Variants in CYP19A1 observed in about 807,000 individuals in gnomAD.
The protein encoded by CYP19A1 is cytochrome P450 family 19 subfamily A member 1.
Under a neutral mutation model 44.4 loss-of-function variants are expected in CYP19A1, and 32 were observed. That is an observed-to-expected ratio of 0.72 (90% confidence interval 0.54 to 0.97). The LOEUF (loss-of-function observed/expected upper bound fraction) is 0.97, where lower values mean the gene tolerates loss of function less well. Ranked by LOEUF, CYP19A1 falls within the 50% of genes least tolerant of loss-of-function variation. The pLI is 0.00. For missense variants in CYP19A1, 598 were observed against 637.8 expected (o/e 0.94, Z 0.67); for synonymous variants, 212 against 215.6 (o/e 0.98, Z 0.14).
intron 1 of CYP19A1, among the ~76,000 whole-genome samples, chr15:51,323,182 T>C (rs1370446014): frequency 6.6e-6 from 1 of 152,168 alleles, no homozygotes; most frequent in African/African-American, 2.4e-5. Flanking sequence ...ATCACCACCC[T>C]GAGAGTCCAG....
rs530179631 is a variant in CYP19A1 at position 51,244,760 on chromosome 15, C to T, written c.-38-1810G>A. Among the ~76,000 whole-genome samples the T allele has an allele frequency of 1.9e-3, 284 of 152,260 alleles. 2 individuals carry two copies. Among genetic ancestry groups the T allele is most frequent in the Non-Finnish European group, 2.7e-3 (183 of 68,022 alleles). On this transcript the variant is annotated intron_variant, in intron 1 of 9. Transcript: ENST00000396402. Reference sequence around the variant, plus strand: ...GAAGTGATCCCAGCAAAAAACTTCACATTATAGGAACTTCCAGAGGTATTT... The same window carrying T: ...GAAGTGATCCCAGCAAAAAACTTCATATTATAGGAACTTCCAGAGGTATTT...
intron 9 of CYP19A1, 156 bp downstream of exon 9, chr15:51,212,164 G>T: frequency 1.4e-6 from 1 of 718,296 alleles, no homozygotes; most frequent in Non-Finnish European, 2.5e-6. Flanking sequence ...CGGGAGCCCT[G>T]CTCCAAGCTA....
At chr15:51,263,674 C>T (rs973147124) in intron 1 of CYP19A1, among the ~76,000 whole-genome samples, 2 of 152,152 alleles carry the variant, frequency 1.3e-5, no homozygotes, top group African/African-American at 4.8e-5. Context: ...AGGGACTGTA[C>T]TTTGCTGGAG....
At chr15:51,327,191 T>TC (rs2036621129) in intron 1 of CYP19A1, among the ~76,000 whole-genome samples, 1 of 152,212 alleles carries the variant, frequency 6.6e-6, no homozygotes, top group African/African-American at 2.4e-5. Flanking sequence ...GGCCAATGGG[T>TC]GATCCATGGT....
At chr15:51,234,701 C>T (rs1203685259) in intron 3 of CYP19A1, among the ~76,000 whole-genome samples, 3 of 152,076 alleles carry the variant, frequency 2.0e-5, no homozygotes, top group Non-Finnish European at 2.9e-5. Flanking sequence ...GGCCCTCCTG[C>T]CCCATGAGCT....
chr15:51,313,797 A>G (rs1371096878), intron 1 of CYP19A1, among the ~76,000 whole-genome samples: 1 of 152,020 alleles, frequency 6.6e-6, no homozygotes, highest in Non-Finnish European at 1.5e-5. Flanking sequence ...ACTCTATCTC[A>G]AAACAAACAA....
chr15:51,267,918 C>G (rs2034988384), intron 1 of CYP19A1, among the ~76,000 whole-genome samples: 1 of 152,172 alleles, frequency 6.6e-6, no homozygotes, highest in South Asian at 2.1e-4. Context: ...CTGGTTGGCA[C>G]TAGGCATTGC....
At chr15:51,219,142 A>G (rs1359641838) in intron 5 of CYP19A1, among the ~76,000 whole-genome samples, 5 of 152,172 alleles carry the variant, frequency 3.3e-5, no homozygotes, top group Admixed American at 2.6e-4. Context: ...TTATACACTT[A>G]ATAGCTTCTA....
chr15:51,210,830 G>T lies in CYP19A1; in HGVS notation c.1490C>A (p.Ser497Ter). The T allele has an allele frequency of 6.3e-7, 1 of 1,595,656 alleles. No homozygotes were observed. The highest frequency in any genetic ancestry group is 8.6e-7 in the Non-Finnish European group (1 of 1,163,118). The change falls in exon 10 of 10, where the codon TCA (serine) becomes TAA (stop). Residue 497 changes from serine (S) to a stop codon, truncating the protein, a stop_gained. Coordinates refer to ENST00000396402, the MANE Select transcript of CYP19A1 (RefSeq NM_000103.4). LOFTEE classifies it high-confidence loss of function. ...TCTCTAGTGTTCCAGACACCTGTCT[G>T]AGTTTCTTGGGGTAAAGATCATTTC... The part of the protein sequence containing the change: ...MLEMIFTPRN[S>*]DRCLEH
intron 1 of CYP19A1, among the ~76,000 whole-genome samples, chr15:51,295,787 G>A (rs1036399583): frequency 2.0e-4 from 31 of 152,198 alleles, no homozygotes; most frequent in Admixed American, 1.8e-3. Flanking sequence ...AGTTCTGGAT[G>A]GCTTCGGGGA....
In CYP19A1 at chr15:51,210,104, T is replaced by C. The variant is rs1197088031; in HGVS notation, c.*704A>G. The C allele has an allele frequency of 6.3e-6, 2 of 317,854 alleles. No homozygotes were observed. The highest frequency in any genetic ancestry group is 1.2e-5 in the Non-Finnish European group (2 of 163,254). The allele number at this position is 317,854 out of a possible 1,614,324, so 19.7% of individuals were successfully genotyped here. ...GTATTACTTGATGATTATATATAGT[T>C]TGTATTACCTGAATCTACAGGTAAC... is the stretch of plus-strand genomic sequence containing the variant. On this transcript the variant is annotated 3_prime_UTR_variant, in exon 10 of 10. Coordinates refer to ENST00000396402, the MANE Select transcript of CYP19A1 (RefSeq NM_000103.4).
intron 8 of CYP19A1, 88 bp from the exon 9 acceptor site, chr15:51,212,649 C>A (rs527494848): frequency 1.1e-6 from 1 of 919,718 alleles, no homozygotes. Context: ...TCCACAGAAC[C>A]GTTTGCTCTT....
At chr15:51,268,337 C>T (rs1459555284) in intron 1 of CYP19A1, among the ~76,000 whole-genome samples, 7 of 152,194 alleles carry the variant, frequency 4.6e-5, no homozygotes, top group Admixed American at 4.6e-4. Flanking sequence ...ATTCTATTGT[C>T]ATAATCAAAC....
At chr15:51,227,596 G>T (rs758591054) in intron 4 of CYP19A1, among the ~76,000 whole-genome samples, 183 bp downstream of exon 4, 1 of 151,860 alleles carries the variant, frequency 6.6e-6, no homozygotes, top group Non-Finnish European at 1.5e-5. Context: ...CCTGAGCCTG[G>T]GAGGCGGAGG....
intron 7 of CYP19A1, 25 bp from the exon 8 acceptor site, chr15:51,215,257 A>G (rs1320226067): frequency 5.0e-6 from 8 of 1,613,946 alleles, no homozygotes; most frequent in Non-Finnish European, 6.8e-6. Context: ...GATGGGAAAA[A>G]TTTGGAAAAG....
chr15:51,331,983 A>G (rs1451968197), intron 1 of CYP19A1, among the ~76,000 whole-genome samples: 2 of 152,028 alleles, frequency 1.3e-5, no homozygotes, highest in Non-Finnish European at 2.9e-5. Context: ...GAAAGCATAT[A>G]ACTGTCTGCT....
intron 1 of CYP19A1, among the ~76,000 whole-genome samples, chr15:51,294,691 C>G (rs578235315): frequency 2.2e-5 from 3 of 139,204 alleles, no homozygotes; most frequent in Non-Finnish European, 3.1e-5. Flanking sequence ...GGGGGTCAGC[C>G]CCCCGCCCGG....
chr15:51,255,456 A>G (rs2034478145), intron 1 of CYP19A1: 1 of 152,248 alleles, frequency 6.6e-6, no homozygotes, highest in African/African-American at 2.4e-5. Context: ...AAGTAATTAA[A>G]AGGAATCTTT....
intron 1 of CYP19A1, among the ~76,000 whole-genome samples, chr15:51,263,199 C>A (rs892587869): frequency 9.9e-5 from 15 of 152,144 alleles, no homozygotes; most frequent in Admixed American, 8.5e-4. Context: ...AAACAAAAAA[C>A]CCCTATTTTA....
Sources: allele counts gnomAD v4.1 joint callset (sites outside exome capture counted in the v4.1 genomes callset), GRCh38; gene constraint gnomAD v4.1.1; transcripts MANE v1.5; gene names NCBI Gene and HGNC (gene_info 2026-07-23, HGNC 2026-07-21).